Variants in NELL2 observed in about 807,000 individuals in gnomAD.
The protein encoded by NELL2 is neural EGFL like 2, also known as protein kinase C-binding protein NELL2.
A neutral mutation model predicts 109.6 loss-of-function variants in NELL2; 41 were observed. The observed-to-expected ratio is 0.37, with a 90% confidence interval of 0.29 to 0.49. The LOEUF is 0.49. NELL2 is among the 20% of genes least tolerant of loss of function. NELL2 has a pLI of 0.98. For missense variants in NELL2, 900 were observed against 1,008.3 expected (o/e 0.89, Z 1.45); for synonymous variants, 355 against 344.7 (o/e 1.03, Z -0.33).
chr12:44,748,831 T>C (rs1398214048), intron 9 of NELL2, among the ~76,000 whole-genome samples: 1 of 151,952 alleles, frequency 6.6e-6, no homozygotes. Context: ...TAAAATCAAA[T>C]ACCAAAGAGG....
In NELL2 at chr12:44,761,555, A is replaced by G. The variant is rs1173229305; in HGVS notation, c.994+13192T>C. Reference sequence around the variant, plus strand: ...TCTACCTAAATGAAAAGAAATTATTATAGTATATTAAAATATATAGCAGGA... The same window carrying G: ...TCTACCTAAATGAAAAGAAATTATTGTAGTATATTAAAATATATAGCAGGA... On this transcript the variant is annotated intron_variant, in intron 9 of 19. Transcript: ENST00000429094. 2.0e-5 allele frequency among the ~76,000 whole-genome samples: 3 copies of G among 151,922 alleles called. No homozygotes were observed. In the East Asian group the frequency reaches 5.8e-4, roughly 29 times the overall value.
intron 12 of NELL2, among the ~76,000 whole-genome samples, chr12:44,673,588 G>A (rs763924122): frequency 3.3e-5 from 5 of 152,136 alleles, no homozygotes; most frequent in Non-Finnish European, 2.9e-5. Context: ...ATGTTGTAGA[G>A]AATTAAACAA....
intron 15 of NELL2, among the ~76,000 whole-genome samples, chr12:44,580,716 GAAAC>G (rs1565961713): frequency 6.6e-6 from 1 of 152,016 alleles, no homozygotes; most frequent in Non-Finnish European, 1.5e-5. Context: ...CTGTCTCAAA[GAAAC>G]AAACAAACAA....
chr12:44,659,170 C>T (rs1947637951), intron 13 of NELL2, among the ~76,000 whole-genome samples: 1 of 152,070 alleles, frequency 6.6e-6, no homozygotes, highest in African/African-American at 2.4e-5. Context: ...GAAACTGGAC[C>T]CCTTCCTTAC....
rs1945303870 is a variant in NELL2 at position 44,875,852 on chromosome 12, T to G, written c.18A>C (p.Leu6Phe). 1 of 1,613,868 alleles carries G rather than the reference T, an allele frequency of 6.2e-7. No individual in the cohort carries two copies. Among genetic ancestry groups the G allele is most frequent in the African/African-American group, 1.3e-5 (1 of 74,908 alleles). ...CGAAGATCAAACAGAATGTTCTCAGTAAGACCCGAGACTCCATGGTGCGGA... is the reference window on the plus strand; with the variant it reads ...CGAAGATCAAACAGAATGTTCTCAGGAAGACCCGAGACTCCATGGTGCGGA... MESRV[L>F]LRTFCLIFGL... is the part of the protein sequence containing the mutation. The change falls in exon 1 of 20, where the codon TTA (leucine) becomes TTC (phenylalanine). Residue 6 changes from leucine to phenylalanine, a missense_variant. This residue lies in a region of NELL2 where 200 missense variants were observed against 191.8 expected (regional missense o/e 1.04). Transcript: ENST00000429094.
chr12:44,531,559 GC>G (rs1229175133), intron 16 of NELL2, among the ~76,000 whole-genome samples: 1 of 152,184 alleles, frequency 6.6e-6, no homozygotes, highest in East Asian at 1.9e-4. Context: ...TGAAAACTCT[GC>G]TCAAGCTCCA....
At chr12:44,727,277 T>C (rs1298419363) in intron 9 of NELL2, among the ~76,000 whole-genome samples, 1 of 152,068 alleles carries the variant, frequency 6.6e-6, no homozygotes, top group Non-Finnish European at 1.5e-5. Flanking sequence ...TTCAAGAGAA[T>C]CCAGATGATT....
At chr12:44,669,531 C>T (rs1430071524) in intron 12 of NELL2, among the ~76,000 whole-genome samples, 1 of 151,850 alleles carries the variant, frequency 6.6e-6, no homozygotes, top group Non-Finnish European at 1.5e-5. Context: ...ATAAGAAATT[C>T]AACAGAGATA....
At chr12:44,857,624 C>G (rs575938206) in intron 2 of NELL2, among the ~76,000 whole-genome samples, 1 of 152,262 alleles carries the variant, frequency 6.6e-6, no homozygotes, top group African/African-American at 2.4e-5. Flanking sequence ...TTCAGAACTT[C>G]TAAAACTTAT....
intron 11 of NELL2, among the ~76,000 whole-genome samples, chr12:44,705,377 C>T (rs1937814178): frequency 6.6e-6 from 1 of 152,012 alleles, no homozygotes; most frequent in South Asian, 2.1e-4. Flanking sequence ...TTTATTAAGT[C>T]CAGAAAAATA....
chr12:44,913,404 T>C (rs561489500), intron 1 of NELL2, among the ~76,000 whole-genome samples: 12 of 152,282 alleles, frequency 7.9e-5, no homozygotes, highest in African/African-American at 2.9e-4. Context: ...TTCTTCCTAG[T>C]TTTCAGATTT....
chr12:44,786,091 A>C (rs1381586198), intron 3 of NELL2, among the ~76,000 whole-genome samples: 1 of 152,210 alleles, frequency 6.6e-6, no homozygotes, highest in Non-Finnish European at 1.5e-5. Flanking sequence ...GTGAATAGGC[A>C]ACCTACAGAA....
chr12:44,861,893 T>C (rs191508762), intron 2 of NELL2, among the ~76,000 whole-genome samples: 11 of 152,314 alleles, frequency 7.2e-5, no homozygotes, highest in Admixed American at 6.5e-4. Flanking sequence ...ACAAAGCCAG[T>C]CTGCAAAGAC....
At chr12:44,901,288 TA>T (rs1189457645) in intron 1 of NELL2, among the ~76,000 whole-genome samples, 1 of 152,026 alleles carries the variant, frequency 6.6e-6, no homozygotes, top group African/African-American at 2.4e-5. Flanking sequence ...ACAAATAAAC[TA>T]AAAATCTAGA....
Position 44,876,135 on chromosome 12 carries a change from G to A in NELL2, c.-266C>T. On this transcript the variant is annotated 5_prime_UTR_variant, in exon 1 of 20. Transcript: ENST00000429094. Reference sequence around the variant, plus strand: ...GCGCGGCCCGGAGGGGGCCCGGAGGGAGGGGTCGGACTCGCCCCGGCGCGG... The same window carrying A: ...GCGCGGCCCGGAGGGGGCCCGGAGGAAGGGGTCGGACTCGCCCCGGCGCGG... 1 of 1,296,220 alleles carries A rather than the reference G, an allele frequency of 7.7e-7. No individual in the cohort carries two copies. The allele number at this position is 1,296,220 out of a possible 1,614,324, so 80.3% of individuals were successfully genotyped here. A position where few individuals can be genotyped will look rare whatever the true frequency, so the allele number is the denominator to read the frequency against.
intron 15 of NELL2, among the ~76,000 whole-genome samples, chr12:44,574,431 AT>A (rs1423276544): frequency 4.6e-5 from 7 of 152,210 alleles, no homozygotes; most frequent in Admixed American, 4.6e-4. Context: ...GACTTTATTA[AT>A]ATTGTCTTAA....
At chr12:44,613,716 T>C (rs1945711108) in intron 13 of NELL2, among the ~76,000 whole-genome samples, 1 of 152,096 alleles carries the variant, frequency 6.6e-6, no homozygotes, top group South Asian at 2.1e-4. Context: ...ACGACTGTAG[T>C]CTCAAAGAAG....
chr12:44,793,223 T>G (rs1942497278), intron 3 of NELL2, among the ~76,000 whole-genome samples: 4 of 152,130 alleles, frequency 2.6e-5, no homozygotes, highest in Admixed American at 2.0e-4. Context: ...CTGTCGAGAA[T>G]ATAAATTATT....
At chr12:44,800,288 C>T (rs1942784400) in intron 3 of NELL2, among the ~76,000 whole-genome samples, 1 of 152,034 alleles carries the variant, frequency 6.6e-6, no homozygotes, top group South Asian at 2.1e-4. Context: ...AGGTTTAAGT[C>T]AGCTCTGCCT....
Sources: gnomAD v4.1 joint callset for allele counts (sites outside exome capture counted in the v4.1 genomes callset) on GRCh38, gnomAD v4.1.1 for gene constraint, gnomAD v4.1.1 regional missense constraint, MANE v1.5 for transcripts, NCBI Gene and HGNC (gene_info 2026-07-23, HGNC 2026-07-21) for gene names.